The following PLCB1 variants were observed in gnomAD, a reference collection of about 807,000 sequenced individuals.
The protein encoded by PLCB1 is 1-phosphatidylinositol 4,5-bisphosphate phosphodiesterase beta-1.
PLCB1 carries 46 observed loss-of-function variants against 161.8 expected under a neutral mutation model. The ratio of observed to expected loss-of-function variants is 0.28; its 90% CI spans 0.22 to 0.36. PLCB1 has a LOEUF of 0.36. PLCB1 is among the 10% of genes least tolerant of loss of function. PLCB1 has a pLI of 1.00. For synonymous variants in PLCB1, 517 were observed against 503.7 expected, an observed-to-expected ratio of 1.03 and a Z score of -0.35; for missense variants, 1,016 against 1,472.5, an observed-to-expected ratio of 0.69 and a Z score of 5.07.
intron 31 of PLCB1, among the ~76,000 whole-genome samples, chr20:8,837,029 G>A (rs1176047390): frequency 1.3e-5 from 2 of 152,148 alleles, no homozygotes; most frequent in African/African-American, 4.8e-5. Context: ...GTTGCTCAAA[G>A]TTGGAATGGA....
intron 3 of PLCB1, among the ~76,000 whole-genome samples, chr20:8,525,158 GA>G (rs11475971): frequency 0.59 from 89,371 of 151,128 alleles, 27,390 homozygotes; most frequent in African/African-American, 0.76. Context: ...GGAGAAGGGG[GA>G]AAAAAAAAGT....
intron 31 of PLCB1, among the ~76,000 whole-genome samples, chr20:8,796,828 A>G (rs941558143): frequency 1.3e-5 from 2 of 152,310 alleles, no homozygotes; most frequent in African/African-American, 4.8e-5. Context: ...AACACATAAG[A>G]CATTATTCTA....
At chr20:8,525,781 CTT>C (rs202026947) in intron 3 of PLCB1, among the ~76,000 whole-genome samples, 27 of 142,528 alleles carry the variant, frequency 1.9e-4, no homozygotes, top group East Asian at 2.0e-4. Flanking sequence ...AAAAAAACAG[CTT>C]TTTTTTTTTT....
At chr20:8,662,293 ATTAT>A (rs1247038356) in intron 9 of PLCB1, among the ~76,000 whole-genome samples, 15 of 101,888 alleles carry the variant, frequency 1.5e-4, no homozygotes, top group Admixed American at 3.3e-4. Context: ...TATGTATATA[ATTAT>A]TTATTATATA....
intron 2 of PLCB1, among the ~76,000 whole-genome samples, chr20:8,181,309 G>A (rs912308917): frequency 6.7e-6 from 1 of 150,324 alleles, no homozygotes; most frequent in African/African-American, 2.4e-5. Context: ...TGTCAGAATT[G>A]TAACAGTGCT....
At chr20:8,877,155 A>C (rs1987810552) in intron 31 of PLCB1, among the ~76,000 whole-genome samples, 1 of 152,212 alleles carries the variant, frequency 6.6e-6, no homozygotes. Flanking sequence ...AAAACCCAGA[A>C]TATGGCAATT....
chr20:8,197,134 T>C (rs553090621), intron 2 of PLCB1, among the ~76,000 whole-genome samples: 1 of 152,330 alleles, frequency 6.6e-6, no homozygotes, highest in South Asian at 2.1e-4. Flanking sequence ...AACATAAGTG[T>C]ACATGTGTCT....
At chr20:8,880,529 A>C (rs1268435299) in intron 31 of PLCB1, among the ~76,000 whole-genome samples, 2 of 152,250 alleles carry the variant, frequency 1.3e-5, no homozygotes, top group Non-Finnish European at 1.5e-5. Flanking sequence ...GAATCAAAAT[A>C]AAGTGGTGGC....
intron 2 of PLCB1, among the ~76,000 whole-genome samples, chr20:8,248,297 A>G (rs1266936608): frequency 1.3e-5 from 2 of 151,864 alleles, no homozygotes; most frequent in African/African-American, 2.4e-5. Context: ...TGGGTGGGCT[A>G]TCACCTCCCA....
At chr20:8,201,619 A>G (rs1335399971) in intron 2 of PLCB1, among the ~76,000 whole-genome samples, 1 of 152,162 alleles carries the variant, frequency 6.6e-6, no homozygotes, top group East Asian at 1.9e-4. Flanking sequence ...ATTTAATTCC[A>G]GAAGCTTTCC....
In PLCB1 at chr20:8,771,876, C is replaced by CGTTCCTTCCTTCCTTT. The variant is rs1274252148; in HGVS notation, c.2931-2648_2931-2647insTGTTCCTTCCTTCCTT. ...ATTGAATTTGTTTCCTTCCTTCCTTCGTTCCTTCCTTCCTTCCTTCCTTTC... is the reference window on the plus strand; with the variant it reads ...ATTGAATTTGTTTCCTTCCTTCCTTCGTTCCTTCCTTCCTTTGTTCCTTCCTTCCTTCCTTCCTTTC... On this transcript the variant is annotated intron_variant, in intron 26 of 31. Coordinates refer to ENST00000338037, the MANE Select transcript of PLCB1 (RefSeq NM_015192.4). Among the ~76,000 whole-genome samples, 4 of 150,286 alleles carry CGTTCCTTCCTTCCTTT rather than the reference C, an allele frequency of 2.7e-5. No individual in the cohort carries two copies. The East Asian group carries it at 5.9e-4, about 22-fold the overall frequency.
At chr20:8,398,557 G>C (rs893653620) in intron 3 of PLCB1, among the ~76,000 whole-genome samples, 2 of 152,104 alleles carry the variant, frequency 1.3e-5, no homozygotes, top group African/African-American at 2.4e-5. Flanking sequence ...CTCACATAGG[G>C]GAAAGCAGAG....
chr20:8,277,390 A>G (rs1165726887), intron 2 of PLCB1, among the ~76,000 whole-genome samples: 4 of 152,086 alleles, frequency 2.6e-5, no homozygotes, highest in Admixed American at 6.6e-5. Flanking sequence ...TCCTCTTTAA[A>G]TTACTGTAAA....
intron 31 of PLCB1, chr20:8,802,553 A>G (rs1245862472): frequency 5.4e-6 from 1 of 184,484 alleles, no homozygotes; most frequent in Non-Finnish European, 1.1e-5. Context: ...TTCTCACTAC[A>G]CTGTTTTCCC....
chr20:8,292,471 A>C (rs971924893), intron 2 of PLCB1, among the ~76,000 whole-genome samples: 1 of 152,110 alleles, frequency 6.6e-6, no homozygotes, highest in African/African-American at 2.4e-5. Flanking sequence ...AAATTACATA[A>C]AGTATTTGAC....
intron 2 of PLCB1, among the ~76,000 whole-genome samples, chr20:8,243,047 A>G (rs547698905): frequency 2.6e-5 from 4 of 151,980 alleles, no homozygotes; most frequent in Non-Finnish European, 4.4e-5. Context: ...CGGGCATGCT[A>G]TCTGTGGGTT....
At chr20:8,596,825 G>A (rs1397180417) in intron 3 of PLCB1, among the ~76,000 whole-genome samples, 1 of 147,204 alleles carries the variant, frequency 6.8e-6, no homozygotes, top group Non-Finnish European at 1.5e-5. Flanking sequence ...CACATCCCTT[G>A]TAAGTTGGAT....
chr20:8,509,718 G>A (rs1000527150), intron 3 of PLCB1, among the ~76,000 whole-genome samples: 14 of 148,316 alleles, frequency 9.4e-5, no homozygotes, highest in Non-Finnish European at 1.5e-4. Flanking sequence ...TTGATAAAGA[G>A]ATAGGCAGAT....
intron 2 of PLCB1, among the ~76,000 whole-genome samples, chr20:8,353,806 A>C (rs1986266716): frequency 6.6e-6 from 1 of 152,132 alleles, no homozygotes; most frequent in Non-Finnish European, 1.5e-5. Flanking sequence ...GGCTCTTGGC[A>C]CAGGAAAAGG....
Sources: gnomAD v4.1 joint callset for allele counts (sites outside exome capture counted in the v4.1 genomes callset) on GRCh38, gnomAD v4.1.1 for gene constraint, MANE v1.5 for transcripts, NCBI Gene and HGNC (gene_info 2026-07-23, HGNC 2026-07-21) for gene names.